Variants in NRG1 observed in about 807,000 individuals in gnomAD.
The protein encoded by NRG1 is neuregulin 1, also known as pro-neuregulin-1, membrane-bound isoform.
Under a neutral mutation model 63.8 loss-of-function variants are expected in NRG1, and 18 were observed. The ratio of observed to expected loss-of-function variants is 0.28; its 90% CI spans 0.19 to 0.42. The LOEUF is 0.42. NRG1 is among the 10% of genes least tolerant of loss of function. The pLI, the probability that NRG1 is intolerant of heterozygous loss-of-function variation, is 1.00. For synonymous variants in NRG1, 302 were observed against 301.3 expected, an observed-to-expected ratio of 1.00 and a Z score of -0.02; for missense variants, 762 against 814.7, an observed-to-expected ratio of 0.94 and a Z score of 0.79.
At chr8:31,743,349 C>T (rs772299052) in intron 1 of NRG1, among the ~76,000 whole-genome samples, 1 of 151,958 alleles carries the variant, frequency 6.6e-6, no homozygotes, top group Non-Finnish European at 1.5e-5. Flanking sequence ...TGTATGACTG[C>T]ACTGTGTCAG....
chr8:31,906,940 G>A (rs547495010), intron 1 of NRG1, among the ~76,000 whole-genome samples: 5 of 152,202 alleles, frequency 3.3e-5, no homozygotes, highest in South Asian at 2.1e-4. Flanking sequence ...AGCAAAAAAT[G>A]TACAGGAAAA....
At chr8:32,284,255 C>T (rs1178465813) in intron 1 of NRG1, among the ~76,000 whole-genome samples, 1 of 152,040 alleles carries the variant, frequency 6.6e-6, no homozygotes, top group Non-Finnish European at 1.5e-5. Flanking sequence ...TGTATAAGCC[C>T]TTGACCTGCC....
At chr8:31,720,801 C>T (rs745983787) in intron 1 of NRG1, among the ~76,000 whole-genome samples, 5 of 152,160 alleles carry the variant, frequency 3.3e-5, no homozygotes, top group Non-Finnish European at 7.4e-5. Context: ...CTTCTTTTCT[C>T]CTCACCCTTG....
intron 1 of NRG1, among the ~76,000 whole-genome samples, chr8:31,971,982 C>A (rs1031451675): frequency 6.6e-6 from 1 of 152,130 alleles, no homozygotes; most frequent in South Asian, 2.1e-4. Context: ...GCATTTGGAA[C>A]CTGGGTTTCC....
intron 5 of NRG1, among the ~76,000 whole-genome samples, chr8:32,703,418 ATG>A (rs1361921065): frequency 1.3e-5 from 1 of 79,944 alleles, no homozygotes; most frequent in Non-Finnish European, 2.4e-5. Context: ...CTCACTAATG[ATG>A]TTTTTTTTTT....
At chr8:31,804,388 C>T (rs1000705789) in intron 1 of NRG1, among the ~76,000 whole-genome samples, 1 of 152,038 alleles carries the variant, frequency 6.6e-6, no homozygotes, top group Non-Finnish European at 1.5e-5. Context: ...CTGGTTGATA[C>T]CCCGAATGGA....
At chr8:32,281,822 T>C (rs1239551016) in intron 1 of NRG1, among the ~76,000 whole-genome samples, 1 of 152,006 alleles carries the variant, frequency 6.6e-6, no homozygotes, top group East Asian at 1.9e-4. Context: ...CCATCTCTTT[T>C]AAAAAATATT....
chr8:32,308,366 G>A (rs1856457284), intron 1 of NRG1, among the ~76,000 whole-genome samples: 2 of 152,078 alleles, frequency 1.3e-5, no homozygotes, highest in African/African-American at 4.8e-5. Context: ...TTTACTGATT[G>A]TTGTCTCCAA....
At chr8:31,658,822 A>T (rs1332859009) in intron 1 of NRG1, among the ~76,000 whole-genome samples, 1 of 152,184 alleles carries the variant, frequency 6.6e-6, no homozygotes, top group Non-Finnish European at 1.5e-5. Flanking sequence ...TCTCTGCAGC[A>T]GGATTCAGTG....
At chr8:31,981,585 C>T (rs776789896) in intron 1 of NRG1, among the ~76,000 whole-genome samples, 13 of 152,106 alleles carry the variant, frequency 8.5e-5, no homozygotes, top group African/African-American at 2.2e-4. Context: ...TTATTTGTAA[C>T]GTGTACCTTG....
intron 1 of NRG1, among the ~76,000 whole-genome samples, chr8:31,846,851 G>A (rs543741509): frequency 2.0e-5 from 3 of 152,214 alleles, no homozygotes; most frequent in East Asian, 3.9e-4. Context: ...GAAATTCTAT[G>A]CATTTTGTCA....
intron 5 of NRG1, among the ~76,000 whole-genome samples, chr8:32,656,876 A>G (rs1801621851): frequency 6.6e-6 from 1 of 152,058 alleles, no homozygotes; most frequent in South Asian, 2.1e-4. Context: ...TAAATTTTTC[A>G]TCAGAAACAT....
At chr8:32,663,082 G>T (rs1803276513) in intron 5 of NRG1, among the ~76,000 whole-genome samples, 1 of 152,194 alleles carries the variant, frequency 6.6e-6, no homozygotes, top group Non-Finnish European at 1.5e-5. Context: ...TGAAGTCCCA[G>T]GGGGATGTAG....
At chr8:31,746,305 G>A (rs6468064) in intron 1 of NRG1, among the ~76,000 whole-genome samples, 147,083 of 152,032 alleles carry the variant, frequency 0.97, 71,321 homozygotes, top group East Asian at 1. Flanking sequence ...TGCTTTGAGA[G>A]TATGTGAACA....
chr8:32,193,626 C>T (rs549226183), intron 1 of NRG1, among the ~76,000 whole-genome samples: 6 of 152,088 alleles, frequency 3.9e-5, no homozygotes, highest in Admixed American at 2.0e-4. Context: ...GGTAGAGGCT[C>T]GGTGTTATGG....
intron 1 of NRG1, among the ~76,000 whole-genome samples, chr8:31,777,941 T>C (rs927313531): frequency 1.3e-5 from 2 of 152,128 alleles, no homozygotes; most frequent in Non-Finnish European, 2.9e-5. Context: ...ACCTCTAACA[T>C]TGGAGATTAA....
At chr8:31,895,244 C>T (rs1348568150) in intron 1 of NRG1, among the ~76,000 whole-genome samples, 1 of 152,162 alleles carries the variant, frequency 6.6e-6, no homozygotes, top group African/African-American at 2.4e-5. Context: ...TTTCTAAGGA[C>T]CTTACAGCTA....
chr8:32,755,749 A>G (rs1564116470), intron 8 of NRG1, among the ~76,000 whole-genome samples: 24 of 147,412 alleles, frequency 1.6e-4, no homozygotes. Context: ...TCTACAGCAC[A>G]TTTTTTTTTT....
At chr8:32,714,983 T>C (rs901632439) in intron 5 of NRG1, among the ~76,000 whole-genome samples, 16 of 151,502 alleles carry the variant, frequency 1.1e-4, no homozygotes, top group African/African-American at 3.9e-4. Flanking sequence ...GGATTGCTGA[T>C]TTTTTTTTAA....
Sources: gnomAD v4.1 joint callset for allele counts (sites outside exome capture counted in the v4.1 genomes callset) on GRCh38, gnomAD v4.1.1 for gene constraint, MANE v1.5 for transcripts, NCBI Gene and HGNC (gene_info 2026-07-23, HGNC 2026-07-21) for gene names.